CNTNAP5: variants seen among roughly 807,000 people sequenced by gnomAD.
The protein encoded by CNTNAP5 is contactin-associated protein-like 5.
CNTNAP5 carries 72 observed loss-of-function variants against 150.2 expected under a neutral mutation model. That is an observed-to-expected ratio of 0.48 (90% CI 0.40 to 0.58). The LOEUF is 0.58. CNTNAP5 is among the 20% of genes least tolerant of loss of function. CNTNAP5 has a pLI of 0.00. For synonymous variants in CNTNAP5, 672 were observed against 619.8 expected, an observed-to-expected ratio of 1.08 and a Z score of -1.25; for missense variants, 1,636 against 1,626.2, an observed-to-expected ratio of 1.01 and a Z score of -0.10.
In CNTNAP5 at chr2:124,153,435, T is replaced by A. The variant is rs535085060; in HGVS notation, c.83-68270T>A. ...GCTATGAAAAATACTAGAGGCTGGG[T>A]GGCTTCAGCAGCAGATATTTATGTC... On this transcript the variant is annotated intron_variant, in intron 1 of 23. Coordinates refer to ENST00000682447, the MANE Select transcript of CNTNAP5 (RefSeq NM_001367498.1). 1.7e-3 allele frequency among the ~76,000 whole-genome samples: 259 copies of A among 151,992 alleles called. 2 individuals are homozygous for A. Among genetic ancestry groups the A allele is most frequent in the Non-Finnish European group, 8.8e-5 (6 of 67,964 alleles).
intron 8 of CNTNAP5, among the ~76,000 whole-genome samples, chr2:124,510,341 A>C (rs1295518180): frequency 3.9e-5 from 4 of 102,316 alleles, no homozygotes; most frequent in Admixed American, 1.2e-4. Flanking sequence ...ATATATCTCC[A>C]TATGTCAACA....
chr2:124,185,498 T>G (rs924446613), intron 1 of CNTNAP5, among the ~76,000 whole-genome samples: 1 of 152,230 alleles, frequency 6.6e-6, no homozygotes, highest in Non-Finnish European at 1.5e-5. Context: ...TCTGCTCTTT[T>G]GGGTTACCTT....
intron 3 of CNTNAP5, among the ~76,000 whole-genome samples, chr2:124,281,221 A>G (rs188200909): frequency 2.6e-5 from 4 of 152,300 alleles, no homozygotes; most frequent in Admixed American, 2.6e-4. Context: ...GAAAAAGAGG[A>G]TAAAAAGGCT....
At chr2:124,268,318 G>A (rs1573879333) in intron 3 of CNTNAP5, among the ~76,000 whole-genome samples, 1 of 152,108 alleles carries the variant, frequency 6.6e-6, no homozygotes, top group Non-Finnish European at 1.5e-5. Context: ...GTAAATTGAT[G>A]TACTGACCAC....
chr2:124,516,175 A>G (rs1184511563), intron 8 of CNTNAP5, among the ~76,000 whole-genome samples: 1 of 152,218 alleles, frequency 6.6e-6, no homozygotes, highest in African/African-American at 2.4e-5. Flanking sequence ...CCAGGAAAAC[A>G]TAACTCAGGC....
chr2:124,125,748 G>A (rs1190501790), intron 1 of CNTNAP5, among the ~76,000 whole-genome samples: 1 of 152,084 alleles, frequency 6.6e-6, no homozygotes, highest in Non-Finnish European at 1.5e-5. Context: ...TAGAACTCAG[G>A]ATTAAGAAAC....
At chr2:124,457,904 C>CA (rs967603680) in intron 6 of CNTNAP5, among the ~76,000 whole-genome samples, 6 of 151,714 alleles carry the variant, frequency 4.0e-5, no homozygotes, top group Non-Finnish European at 7.4e-5. Flanking sequence ...ATCAAAAAAT[C>CA]AAAAAATAGT....
intron 13 of CNTNAP5, among the ~76,000 whole-genome samples, chr2:124,724,672 C>A (rs182463296): frequency 6.6e-6 from 1 of 151,956 alleles, no homozygotes; most frequent in Non-Finnish European, 1.5e-5. Flanking sequence ...TTCTGTAAAG[C>A]ATTTGACCAT....
intron 8 of CNTNAP5, among the ~76,000 whole-genome samples, chr2:124,510,251 C>CTATATCTA (rs1207232867): frequency 1.2e-4 from 15 of 125,684 alleles, no homozygotes; most frequent in African/African-American, 4.6e-4. Flanking sequence ...ATATCTATAT[C>CTATATCTA]TATATCTATA....
intron 1 of CNTNAP5, among the ~76,000 whole-genome samples, chr2:124,045,751 T>G (rs1194205932): frequency 6.6e-6 from 1 of 152,228 alleles, no homozygotes; most frequent in African/African-American, 2.4e-5. Context: ...CAATCTCTAT[T>G]ACTGGCTTTA....
chr2:124,177,814 G>A (rs1685105070), intron 1 of CNTNAP5, among the ~76,000 whole-genome samples: 1 of 150,678 alleles, frequency 6.6e-6, no homozygotes, highest in Admixed American at 6.6e-5. Flanking sequence ...TTGTTTGTTT[G>A]GTTGGTTATT....
chr2:124,080,743 A>G (rs1229496412), intron 1 of CNTNAP5, among the ~76,000 whole-genome samples: 2 of 152,234 alleles, frequency 1.3e-5, no homozygotes, highest in Non-Finnish European at 2.9e-5. Context: ...TCTTGGCTTG[A>G]AATAATGCCA....
chr2:124,861,593 C>CAAAT (rs890200148), intron 19 of CNTNAP5, among the ~76,000 whole-genome samples: 6 of 151,556 alleles, frequency 4.0e-5, no homozygotes, highest in Non-Finnish European at 8.8e-5. Context: ...ATCTCAAAAA[C>CAAAT]AAATAAATAA....
chr2:124,479,729 C>A (rs1693723005), intron 7 of CNTNAP5, among the ~76,000 whole-genome samples: 1 of 152,122 alleles, frequency 6.6e-6, no homozygotes, highest in South Asian at 2.1e-4. Flanking sequence ...TAGAGGGAAA[C>A]CCAAAGGTCT....
rs116937471 is a variant in CNTNAP5, at chr2:124,704,235, C to T, written c.2078-42994C>T. Among the ~76,000 whole-genome samples the T allele has an allele frequency of 3.3e-3, 501 of 152,296 alleles. 13 individuals are homozygous for T. The East Asian group carries it at 0.05, about 15-fold the overall frequency. On this transcript the variant is annotated intron_variant, in intron 13 of 23. Coordinates refer to ENST00000682447, the MANE Select transcript of CNTNAP5 (RefSeq NM_001367498.1). ...ACTGGTGGCCTCAGCTTAGACTTTT[C>T]TCTATTGTTGCAAGCACAGGTGCTC... is the stretch of plus-strand genomic sequence containing the variant.
At chr2:124,025,796 C>T in intron 1 of CNTNAP5, 64 bp downstream of exon 1, 1 of 1,292,284 alleles carries the variant, frequency 7.7e-7, no homozygotes, top group Non-Finnish European at 1.1e-6. Context: ...GAAAGACAAT[C>T]AACTATCTAA....
intron 3 of CNTNAP5, among the ~76,000 whole-genome samples, chr2:124,265,527 A>G (rs376728814): frequency 6.6e-5 from 10 of 152,266 alleles, no homozygotes; most frequent in African/African-American, 2.4e-4. Flanking sequence ...CCTAAAAAGG[A>G]TGCTTTGTGC....
intron 11 of CNTNAP5, among the ~76,000 whole-genome samples, chr2:124,601,749 G>C (rs902447927): frequency 6.6e-6 from 1 of 152,154 alleles, no homozygotes; most frequent in African/African-American, 2.4e-5. Flanking sequence ...GCTTAAAACG[G>C]AAACAACCCA....
chr2:124,873,233 A>G (rs1677789105), intron 21 of CNTNAP5, among the ~76,000 whole-genome samples: 1 of 151,982 alleles, frequency 6.6e-6, no homozygotes, highest in Admixed American at 6.6e-5. Context: ...ACAATTTTAA[A>G]CAATTATATC....
Sources: gnomAD v4.1 joint callset for allele counts (sites outside exome capture counted in the v4.1 genomes callset) on GRCh38, gnomAD v4.1.1 for gene constraint, MANE v1.5 for transcripts, NCBI Gene and HGNC (gene_info 2026-07-23, HGNC 2026-07-21) for gene names.